Variants in DDX52 observed in about 807,000 individuals in gnomAD.
DDX52 encodes probable ATP-dependent RNA helicase DDX52.
In DDX52, 59 loss-of-function variants were observed where a neutral mutation model predicts 76.1. The observed-to-expected ratio is 0.78, with a 90% confidence interval of 0.63 to 0.96. The LOEUF is 0.96. DDX52 is among the 40% of genes least tolerant of loss of function. The pLI, the probability that DDX52 is intolerant of heterozygous loss-of-function variation, is 0.00. For synonymous variants in DDX52, 231 were observed against 244.1 expected (o/e 0.95, Z 0.50); for missense variants, 707 against 703.9 (o/e 1.00, Z -0.05).
Position 37,626,820 on chromosome 17 carries a change from T to C in DDX52, c.900A>G (p.Leu300=). The C allele has an allele frequency of 6.2e-7, 1 of 1,611,888 alleles. No individual in the cohort carries two copies. Among genetic ancestry groups the C allele is most frequent in the East Asian group, 2.2e-5 (1 of 44,776 alleles). ...VTTPNRLIYL[L]KQDPPGIDLA... ...GGTCGATTCCGGGGGGATCTTGCTT[T>C]AATAAATAGATTAGTCGATTTGGAG... The change falls in exon 7 of 15, where the codon TTA becomes TTG. Residue 300 remains leucine (L), a synonymous_variant. Coordinates refer to ENST00000617633, the MANE Select transcript of DDX52 (RefSeq NM_007010.5).
intron 6 of DDX52, 21 bp downstream of exon 6, chr17:37,628,539 AT>A: frequency 1.3e-6 from 2 of 1,558,032 alleles, no homozygotes; most frequent in Non-Finnish European, 1.8e-6. Flanking sequence ...CTCTATCTAC[AT>A]CCCATGTATG....
In DDX52 at chr17:37,610,054, G is replaced by C. The variant is rs968090896; in HGVS notation, c.*4242C>G. The C allele has an allele frequency of 2.0e-5, 3 of 152,000 alleles. No individual in the cohort carries two copies. The highest frequency in any genetic ancestry group is 7.3e-5 in the African/African-American group (3 of 41,372). The allele number at this position is 152,000 out of a possible 1,614,324, so 9.4% of individuals were successfully genotyped here. ...CCTTTTGTTTTTCCTATTCTTGCAG[G>C]CAAGTGCAAAACAGTGGTTTTTGGA... On this transcript the variant is annotated 3_prime_UTR_variant, in exon 15 of 15. Coordinates refer to ENST00000617633, the MANE Select transcript of DDX52 (RefSeq NM_007010.5).
At chr17:37,619,733 GAC>G in intron 13 of DDX52, 33 bp downstream of exon 13, 1 of 1,555,570 alleles carries the variant, frequency 6.4e-7, no homozygotes, top group East Asian at 2.2e-5. Context: ...TATACAAAGA[GAC>G]AGACAAAGAT....
intron 2 of DDX52, among the ~76,000 whole-genome samples, chr17:37,641,172 G>A (rs1202892790): frequency 1.3e-5 from 2 of 151,968 alleles, no homozygotes; most frequent in East Asian, 3.9e-4. Context: ...GGAGGCGGAG[G>A]AGGGTGGATC....
intron 4 of DDX52, among the ~76,000 whole-genome samples, chr17:37,630,583 G>T (rs929547715): frequency 1.3e-5 from 2 of 151,668 alleles, no homozygotes; most frequent in African/African-American, 4.8e-5. Context: ...AATAAAAAAT[G>T]GCAATGACCT....
chr17:37,616,162 T>A (rs1373695375), intron 14 of DDX52, among the ~76,000 whole-genome samples: 1 of 152,212 alleles, frequency 6.6e-6, no homozygotes, highest in Non-Finnish European at 1.5e-5. Context: ...AAGGACTGCA[T>A]TTGTTATCTT....
At chr17:37,614,456 G>GT in intron 14 of DDX52, 103 bp from the exon 15 acceptor site, 1 of 1,124,992 alleles carries the variant, frequency 8.9e-7, no homozygotes, top group Non-Finnish European at 1.3e-6. Context: ...AACCTACTGT[G>GT]TATCAAATAA....
In DDX52 at chr17:37,630,149, G is replaced by A; in HGVS notation, c.628C>T (p.Pro210Ser). 1.2e-6 allele frequency: 2 copies of A among 1,612,308 alleles called. No homozygotes were observed. Among genetic ancestry groups the A allele is most frequent in the Non-Finnish European group, 1.7e-6 (2 of 1,179,482 alleles). ...GCTAATGTTTTTCCAGATCCAGTTG[G>A]AGCAGAAGCCAGAAGTTCCCGACCC... ...LHGRELLASAPTGSGKTLAFS... is the reference protein window; with the variant it reads ...LHGRELLASASTGSGKTLAFS... Residue 210 changes from proline to serine, a missense_variant, in exon 5 of 15, where the codon CCA becomes TCA. Physicochemically the swap from Pro to Ser is moderately conservative, Grantham distance 74. Coordinates refer to ENST00000617633, the MANE Select transcript of DDX52 (RefSeq NM_007010.5).
intron 14 of DDX52, among the ~76,000 whole-genome samples, 194 bp downstream of exon 14, chr17:37,618,098 G>A (rs2029889064): frequency 6.6e-6 from 1 of 152,184 alleles, no homozygotes; most frequent in African/African-American, 2.4e-5. Context: ...CTGGGCGACA[G>A]TGCAAAACAC....
intron 2 of DDX52, among the ~76,000 whole-genome samples, chr17:37,637,409 G>A (rs867085616): frequency 3.6e-4 from 55 of 151,714 alleles, no homozygotes; most frequent in African/African-American, 1.2e-3. Flanking sequence ...GGGATTATAG[G>A]CATGAGCCAC....
chr17:37,626,973 C>A, intron 6 of DDX52, 113 bp from the exon 7 acceptor site: 1 of 765,866 alleles, frequency 1.3e-6, no homozygotes. Context: ...TAGTCATAGC[C>A]AACAACACAA....
rs35233663 is a variant in DDX52, at chr17:37,632,232, T to C, written c.484A>G (p.Thr162Ala). The stretch of plus-strand genomic sequence containing the variant: ...TATTCCTGGTCAAGTTGCTGAAATG[T>C]AGCAATTGGGTCAGGAAGATCGGTT... ...QGTDLPDPIA[T>A]FQQLDQEYKI... Residue 162 changes from threonine to alanine, a missense_variant, in exon 4 of 15, where the codon ACA becomes GCA. Thr to Ala is a moderately conservative substitution (Grantham distance 58). Coordinates refer to ENST00000617633, the MANE Select transcript of DDX52 (RefSeq NM_007010.5). 1.3e-4 allele frequency: 209 copies of C among 1,614,052 alleles called. No homozygotes were observed. The African/African-American group carries it at 2.6e-3, about 20-fold the overall frequency.
At chr17:37,636,131 T>C (rs529732696) in intron 2 of DDX52, among the ~76,000 whole-genome samples, 111 of 152,348 alleles carry the variant, frequency 7.3e-4, no homozygotes, top group African/African-American at 2.6e-3. Context: ...ATTTTTTCTT[T>C]TTAAAGAATT....
intron 9 of DDX52, 42 bp from the exon 10 acceptor site, chr17:37,621,562 A>C (rs1402374882): frequency 6.3e-7 from 1 of 1,574,888 alleles, no homozygotes; most frequent in Non-Finnish European, 8.6e-7. Context: ...TCAATCAAGA[A>C]TACAATTGGT....
In DDX52 at chr17:37,621,420, T is replaced by C. The variant is rs752335312; in HGVS notation, c.1328A>G (p.His443Arg). 6.2e-7 allele frequency: 1 copy of C among 1,613,426 alleles called. No homozygotes were observed. Among genetic ancestry groups the C allele is most frequent in the Non-Finnish European group, 8.5e-7 (1 of 1,179,800 alleles). Residue 443 changes from histidine (H) to arginine (R), a missense_variant, in exon 10 of 15, where the codon CAT (histidine) becomes CGT (arginine). Physicochemically the swap from His to Arg is conservative, Grantham distance 29. Coordinates refer to ENST00000617633, the MANE Select transcript of DDX52 (RefSeq NM_007010.5). ...TACCTGTTGTTGTGTTCTCTCTGCA[T>C]GAATAACATCCACATTAATACCTTC... The part of the protein sequence containing the change: ...IYEGINVDVI[H>R]AERTQQQRDN...
chr17:37,630,138 A>C lies in DDX52; in HGVS notation c.639T>G (p.Ser213=). 1 of 1,613,786 alleles carries C rather than the reference A, an allele frequency of 6.2e-7. No homozygotes were observed. Among genetic ancestry groups the C allele is most frequent in the Non-Finnish European group, 8.5e-7 (1 of 1,179,934 alleles). Residue 213 remains serine (S), a synonymous_variant, in exon 5 of 15, where the codon TCT becomes TCG. Coordinates refer to ENST00000617633, the MANE Select transcript of DDX52 (RefSeq NM_007010.5). ...RELLASAPTG[S]GKTLAFSIPI... ...GAATGCTAAAAGCTAATGTTTTTCC[A>C]GATCCAGTTGGAGCAGAAGCCAGAA...
intron 9 of DDX52, among the ~76,000 whole-genome samples, chr17:37,622,615 A>G (rs1442655874): frequency 6.6e-6 from 1 of 152,066 alleles, no homozygotes; most frequent in African/African-American, 2.4e-5. Flanking sequence ...CCTTTTTATG[A>G]TGGCTTAAAC....
rs1363315613 is a variant in DDX52, at chr17:37,626,712, A to T, written c.932+76T>A. The T allele has an allele frequency of 3.4e-6, 5 of 1,452,616 alleles. No homozygotes were observed. The East Asian group carries it at 1.1e-4, about 33-fold the overall frequency. The allele number at this position is 1,452,616 out of a possible 1,614,324, so 90.0% of individuals were successfully genotyped here. ...AAACAGCAAGCTCCAAAGACAAAAAATACAAGCAATAGAGGACAAAATATA... is the reference window on the plus strand; with the variant it reads ...AAACAGCAAGCTCCAAAGACAAAAATTACAAGCAATAGAGGACAAAATATA... On this transcript the variant is annotated intron_variant, in intron 7 of 14. Transcript: ENST00000617633.
At chr17:37,624,175 C>T in intron 9 of DDX52, 169 bp downstream of exon 9, 1 of 433,500 alleles carries the variant, frequency 2.3e-6, no homozygotes. Flanking sequence ...AAATACGATG[C>T]AGGATGATCA....
Sources: allele counts gnomAD v4.1 joint callset (sites outside exome capture counted in the v4.1 genomes callset), GRCh38; gene constraint gnomAD v4.1.1; transcripts MANE v1.5; gene names NCBI Gene and HGNC (gene_info 2026-07-23, HGNC 2026-07-21).